The following ICA1 variants were observed in gnomAD, a reference collection of about 807,000 sequenced individuals.
ICA1 encodes the protein islet cell autoantigen 1.
A neutral mutation model predicts 71.0 loss-of-function variants in ICA1; 40 were observed. That is an observed-to-expected ratio of 0.56 (90% CI 0.44 to 0.73). The LOEUF (loss-of-function observed/expected upper bound fraction) is 0.73, where lower values mean the gene tolerates loss of function less well. ICA1 is among the 30% of genes least tolerant of loss of function. ICA1 has a pLI of 0.00. For synonymous variants in ICA1, 207 were observed against 209.5 expected (o/e 0.99, Z 0.10); for missense variants, 578 against 576.5 (o/e 1.00, Z -0.03).
chr7:8,142,063 G>C, intron 9 of ICA1: 4 of 1,367,842 alleles, frequency 2.9e-6, no homozygotes, highest in Non-Finnish European at 3.9e-6. Context: ...TATCTAGATG[G>C]GCAGTTAGAT....
chr7:8,131,388 A>G (rs1266679263), intron 12 of ICA1, among the ~76,000 whole-genome samples: 1 of 152,244 alleles, frequency 6.6e-6, no homozygotes, highest in African/African-American at 2.4e-5. Flanking sequence ...TTTTACTAAT[A>G]CATATCCTAT....
intron 1 of ICA1, among the ~76,000 whole-genome samples, chr7:8,252,990 C>T (rs1808701293): frequency 6.6e-6 from 1 of 152,090 alleles, no homozygotes; most frequent in Non-Finnish European, 1.5e-5. Context: ...GAATTATAAG[C>T]ATGGCACACG....
intron 1 of ICA1, among the ~76,000 whole-genome samples, chr7:8,247,995 T>C (rs1351573691): frequency 6.6e-6 from 1 of 152,216 alleles, no homozygotes; most frequent in Non-Finnish European, 1.5e-5. Context: ...AACTCAAATG[T>C]AGTTAATTTT....
chr7:8,217,933 G>A (rs1795896731), intron 6 of ICA1, among the ~76,000 whole-genome samples: 1 of 152,154 alleles, frequency 6.6e-6, no homozygotes, highest in Admixed American at 6.5e-5. Context: ...ATATGCATTA[G>A]CGATTTTAAA....
rs17145661 is a variant in ICA1, at chr7:8,222,942, T to C, written c.257-1544A>G. Among the ~76,000 whole-genome samples, 15,051 of 152,218 alleles carry C rather than the reference T, an allele frequency of 0.099. 1,883 individuals carry two copies. The highest frequency in any genetic ancestry group is 0.3 in the African/African-American group (12,354 of 41,482). On this transcript the variant is annotated intron_variant, in intron 4 of 13. Transcript: ENST00000402384. This position sits in a 1 kb window ranked among gnomAD's most constrained non-coding sequence, Gnocchi z 4.8. ...AACTTTGTATTCCCCAGGCTGAGCA[T>C]AAAGTCTTAAATTCACGGTGCTAAT...
intron 13 of ICA1, among the ~76,000 whole-genome samples, chr7:8,115,813 A>G (rs1784612348): frequency 6.6e-6 from 1 of 152,254 alleles, no homozygotes; most frequent in Non-Finnish European, 1.5e-5. Context: ...CCAAAAGAGA[A>G]CAGATCTCAT....
chr7:8,213,948 C>T (rs1794627048), intron 6 of ICA1, among the ~76,000 whole-genome samples: 1 of 152,228 alleles, frequency 6.6e-6, no homozygotes, highest in African/African-American at 2.4e-5. Flanking sequence ...CACTCATTTC[C>T]TATAATACCT....
At chr7:8,184,053 T>C (rs1486332240) in intron 6 of ICA1, among the ~76,000 whole-genome samples, 2 of 152,254 alleles carry the variant, frequency 1.3e-5, no homozygotes, top group African/African-American at 2.4e-5. Flanking sequence ...AAGATGCTTA[T>C]CTCACTGATA....
chr7:8,163,428 C>T (rs1263069964), intron 6 of ICA1, among the ~76,000 whole-genome samples: 1 of 152,168 alleles, frequency 6.6e-6, no homozygotes, highest in East Asian at 1.9e-4. Context: ...ATAGCTCTGG[C>T]CTTAAATCCA....
At chr7:8,137,897 C>A (rs1321338350) in intron 12 of ICA1, among the ~76,000 whole-genome samples, 1 of 152,194 alleles carries the variant, frequency 6.6e-6, no homozygotes, top group African/African-American at 2.4e-5. Context: ...ACATCAAGCC[C>A]AGACTGAACT....
At chr7:8,198,020 T>G (rs965314708) in intron 6 of ICA1, among the ~76,000 whole-genome samples, 2 of 152,252 alleles carry the variant, frequency 1.3e-5, no homozygotes, top group Non-Finnish European at 2.9e-5. Flanking sequence ...CTATCAACTT[T>G]CTTTTGAAAA....
chr7:8,162,155 G>C (rs1804086718), intron 6 of ICA1, among the ~76,000 whole-genome samples: 1 of 152,130 alleles, frequency 6.6e-6, no homozygotes, highest in South Asian at 2.1e-4. Flanking sequence ...TTATATCTTA[G>C]GAGAAAACTT....
chr7:8,157,022 G>A (rs267601581), intron 8 of ICA1, 94 bp downstream of exon 8: 1 of 1,607,794 alleles, frequency 6.2e-7, no homozygotes, highest in Non-Finnish European at 8.5e-7. Context: ...CTGAGTCCTG[G>A]AATAATGATG....
At chr7:8,211,910 A>G (rs1793920803) in intron 6 of ICA1, among the ~76,000 whole-genome samples, 1 of 152,212 alleles carries the variant, frequency 6.6e-6, no homozygotes, top group Non-Finnish European at 1.5e-5. Flanking sequence ...TAAGTGAATG[A>G]ATAGGCATGG....
intron 8 of ICA1, among the ~76,000 whole-genome samples, chr7:8,146,271 C>G (rs1004003904): frequency 6.6e-6 from 1 of 152,118 alleles, no homozygotes; most frequent in Non-Finnish European, 1.5e-5. Context: ...GACATTTCAA[C>G]TAAGAGCTAA....
intron 6 of ICA1, among the ~76,000 whole-genome samples, chr7:8,199,699 C>T (rs773690272): frequency 1.3e-5 from 2 of 152,092 alleles, no homozygotes; most frequent in African/African-American, 2.4e-5. Context: ...GATGACAGAG[C>T]GAGACTCTGT....
chr7:8,214,057 G>A (rs1452467760), intron 6 of ICA1, among the ~76,000 whole-genome samples: 3 of 152,216 alleles, frequency 2.0e-5, no homozygotes, highest in South Asian at 2.1e-4. Flanking sequence ...ACACTGGTCC[G>A]CTTGTCCTTG....
intron 6 of ICA1, among the ~76,000 whole-genome samples, chr7:8,170,807 T>C (rs188452193): frequency 6.6e-6 from 1 of 152,122 alleles, no homozygotes; most frequent in East Asian, 1.9e-4. Context: ...TTTTAATTTA[T>C]ATGTCTTTTA....
chr7:8,203,404 A>G (rs1790413970), intron 6 of ICA1, among the ~76,000 whole-genome samples: 1 of 152,212 alleles, frequency 6.6e-6, no homozygotes, highest in African/African-American at 2.4e-5. Flanking sequence ...TCTATCTTCT[A>G]AAATAGAGCA....
Sources: allele counts gnomAD v4.1 joint callset (sites outside exome capture counted in the v4.1 genomes callset), GRCh38; gene constraint gnomAD v4.1.1; non-coding constraint Gnocchi (gnomAD v3.1); transcripts MANE v1.5; gene names NCBI Gene and HGNC (gene_info 2026-07-23, HGNC 2026-07-21).